Variants in ANKS1B observed in about 807,000 individuals in gnomAD.
ANKS1B encodes ankyrin repeat and sterile alpha motif domain-containing protein 1B.
Under a neutral mutation model 148.3 loss-of-function variants are expected in ANKS1B, and 36 were observed. The observed-to-expected ratio is 0.24, with a 90% confidence interval of 0.19 to 0.32. The LOEUF is 0.32. Ranked by LOEUF, ANKS1B falls within the 10% of genes least tolerant of loss-of-function variation. The probability of loss-of-function intolerance (pLI) is 1.00; values close to 1 mark genes in which losing one functional copy is unlikely to be tolerated. For synonymous variants in ANKS1B, 542 were observed against 560.8 expected (o/e 0.97, Z 0.47); for missense variants, 1,157 against 1,542.6 (o/e 0.75, Z 4.19).
At chr12:98,781,618 A>C (rs1354328230) in intron 23 of ANKS1B, 1 of 363,274 alleles carries the variant, frequency 2.8e-6, no homozygotes, top group Admixed American at 3.8e-5. Context: ...CATTAACAAA[A>C]TATATGCACC....
chr12:99,640,788 G>A (rs1432218176), intron 9 of ANKS1B, among the ~76,000 whole-genome samples: 1 of 152,214 alleles, frequency 6.6e-6, no homozygotes, highest in Non-Finnish European at 1.5e-5. Flanking sequence ...TTGGTTGAAT[G>A]AGTAATGAAT....
In ANKS1B at chr12:99,073,277, T is replaced by A. The variant is rs142045689; in HGVS notation, c.2625+11648A>T. Among the ~76,000 whole-genome samples the A allele has an allele frequency of 2.0e-5, 3 of 152,296 alleles. No individual in the cohort carries two copies. In the East Asian group the frequency reaches 5.8e-4, roughly 29 times the overall value. On this transcript the variant is annotated intron_variant, in intron 16 of 26. Transcript: ENST00000683438. Reference sequence around the variant, plus strand: ...AATGGAGCCAAGATTCAAACTCGGATAGTCTGACCATGTTCCCAACCATTC... The same window carrying A: ...AATGGAGCCAAGATTCAAACTCGGAAAGTCTGACCATGTTCCCAACCATTC...
intron 14 of ANKS1B, chr12:99,154,803 C>T: frequency 2.7e-6 from 4 of 1,493,938 alleles, no homozygotes; most frequent in Non-Finnish European, 3.5e-6. Context: ...ATCAAGTACT[C>T]CTACACTCAT....
At chr12:99,898,627 T>C (rs558612293) in intron 1 of ANKS1B, among the ~76,000 whole-genome samples, 3 of 152,168 alleles carry the variant, frequency 2.0e-5, no homozygotes, top group Non-Finnish European at 4.4e-5. Flanking sequence ...TGACCCTATC[T>C]GTTTTCTGTA....
At chr12:99,305,181 T>A (rs911046900) in intron 12 of ANKS1B, among the ~76,000 whole-genome samples, 1 of 151,614 alleles carries the variant, frequency 6.6e-6, no homozygotes, top group Non-Finnish European at 1.5e-5. Context: ...GTGGGGAGGG[T>A]ACCAAGCCAT....
rs186518443 is a variant in ANKS1B, at chr12:99,312,009, G to C, written c.1757-65145C>G. On this transcript the variant is annotated intron_variant, in intron 12 of 26. Transcript: ENST00000683438. ...AAGTATGATAGCGAGTTTTATTAGA[G>C]AGTGTACTCGAAGCATTTGGAGAAA... Among the ~76,000 whole-genome samples, 600 of 152,222 alleles carry C rather than the reference G, an allele frequency of 3.9e-3. 3 individuals are homozygous for C. Among genetic ancestry groups the C allele is most frequent in the African/African-American group, 0.014 (571 of 41,558 alleles).
At chr12:98,920,770 GC>G (rs1269228268) in intron 17 of ANKS1B, among the ~76,000 whole-genome samples, 1 of 152,194 alleles carries the variant, frequency 6.6e-6, no homozygotes, top group East Asian at 1.9e-4. Flanking sequence ...CTAGCAAGAA[GC>G]AGCTGGCTGA....
intron 14 of ANKS1B, among the ~76,000 whole-genome samples, chr12:99,202,252 C>T (rs1256877707): frequency 6.6e-6 from 1 of 152,162 alleles, no homozygotes; most frequent in Non-Finnish European, 1.5e-5. Context: ...AATAATCCAA[C>T]AGGACAAATG....
chr12:99,082,022 A>C (rs1370193507), intron 16 of ANKS1B, among the ~76,000 whole-genome samples: 1 of 152,158 alleles, frequency 6.6e-6, no homozygotes, highest in Admixed American at 6.5e-5. Flanking sequence ...TGAGATAGGA[A>C]CAAGGACAGG....
intron 12 of ANKS1B, among the ~76,000 whole-genome samples, chr12:99,348,214 A>G (rs1215488274): frequency 6.6e-6 from 1 of 151,986 alleles, no homozygotes; most frequent in Non-Finnish European, 1.5e-5. Flanking sequence ...ATCATTAAGC[A>G]TATCTACCTA....
At chr12:99,289,262 A>G (rs1200584060) in intron 12 of ANKS1B, among the ~76,000 whole-genome samples, 1 of 152,086 alleles carries the variant, frequency 6.6e-6, no homozygotes, top group Non-Finnish European at 1.5e-5. Context: ...AGGATCAGAT[A>G]TGTAAAGCAA....
At position 99,706,035 on chromosome 12, in the gene ANKS1B, G is replaced by A. The variant is rs145043886; in HGVS notation, c.1129-50825C>T. Among the ~76,000 whole-genome samples, 403 of 152,134 alleles carry A rather than the reference G, an allele frequency of 2.6e-3. 2 individuals are homozygous for A. The highest frequency in any genetic ancestry group is 0.013 in the Admixed American group (191 of 15,264). ...AGTAACATTATAAATAATGTCTGTC[G>A]ACAAACATAACAAGTAAATAGAGAA... On this transcript the variant is annotated intron_variant, in intron 8 of 26. Coordinates refer to ENST00000683438, the MANE Select transcript of ANKS1B (RefSeq NM_001352186.2).
chr12:99,952,044 C>A (rs1290617142), intron 1 of ANKS1B, among the ~76,000 whole-genome samples: 1 of 152,132 alleles, frequency 6.6e-6, no homozygotes, highest in East Asian at 1.9e-4. Context: ...AAAAAAGTAT[C>A]ACCCATAAAT....
intron 15 of ANKS1B, among the ~76,000 whole-genome samples, chr12:99,142,951 A>T (rs2071498616): frequency 6.6e-6 from 1 of 152,150 alleles, no homozygotes. Flanking sequence ...GGCCTGATGA[A>T]TGCCAAATGT....
At chr12:99,874,079 C>T (rs2091841072) in intron 1 of ANKS1B, among the ~76,000 whole-genome samples, 1 of 149,950 alleles carries the variant, frequency 6.7e-6, no homozygotes, top group Non-Finnish European at 1.5e-5. Flanking sequence ...TTGACTAAAA[C>T]AGCTATGCTT....
rs534000188 is a variant in ANKS1B, at chr12:99,963,501, G to A, written c.134+20603C>T. Among the ~76,000 whole-genome samples, 60 of 152,294 alleles carry A rather than the reference G, an allele frequency of 3.9e-4. 1 individual carries two copies. In the South Asian group the frequency reaches 0.012, roughly 31 times the overall value. On this transcript the variant is annotated intron_variant, in intron 1 of 26. Transcript: ENST00000683438. ...TGCTGTTTATTTTTTCTTAAATGTG[G>A]CATGCAAAGCTGAATGATCTTTTAA... is the stretch of plus-strand genomic sequence containing the variant.
intron 4 of ANKS1B, among the ~76,000 whole-genome samples, chr12:99,787,484 T>C (rs1429685186): frequency 1.3e-5 from 2 of 152,176 alleles, no homozygotes; most frequent in Non-Finnish European, 2.9e-5. Context: ...TTAGGAGACA[T>C]ACTAATAGGA....
chr12:98,853,657 C>T lies in ANKS1B; in HGVS notation c.2779-21521G>A, dbSNP rs113151568. 7.1e-4 allele frequency among the ~76,000 whole-genome samples: 108 copies of T among 152,336 alleles called. 1 individual carries two copies. The highest frequency in any genetic ancestry group is 2.6e-3 in the African/African-American group (107 of 41,566). ...GACTGCCCTAGTTAAATAGATCCCC[C>T]CTGCTACTCTCTATCACTGCACTCT... is the stretch of plus-strand genomic sequence containing the variant. On this transcript the variant is annotated intron_variant, in intron 17 of 26. Transcript: ENST00000683438.
At chr12:99,680,353 A>T (rs1015097816) in intron 8 of ANKS1B, among the ~76,000 whole-genome samples, 2 of 152,092 alleles carry the variant, frequency 1.3e-5, no homozygotes, top group African/African-American at 4.8e-5. Flanking sequence ...AGGTGCGAGG[A>T]TCACCTGAGC....
Sources: allele counts gnomAD v4.1 joint callset (sites outside exome capture counted in the v4.1 genomes callset), GRCh38; gene constraint gnomAD v4.1.1; transcripts MANE v1.5; gene names NCBI Gene and HGNC (gene_info 2026-07-23, HGNC 2026-07-21).